Variants in NT5C1A observed in about 807,000 individuals in gnomAD.
NT5C1A encodes cytosolic 5'-nucleotidase 1A.
A neutral mutation model predicts 31.0 loss-of-function variants in NT5C1A; 18 were observed. That is an observed-to-expected ratio of 0.58 (90% CI 0.40 to 0.86). NT5C1A has a LOEUF of 0.86. NT5C1A is among the 40% of genes least tolerant of loss of function. The pLI, the probability that NT5C1A is intolerant of heterozygous loss-of-function variation, is 0.00. For missense variants in NT5C1A, 470 were observed against 505.4 expected (o/e 0.93, Z 0.67); for synonymous variants, 185 against 203.6 (o/e 0.91, Z 0.78).
At chr1:39,667,539 C>T (rs1397184537) in intron 1 of NT5C1A, among the ~76,000 whole-genome samples, 1 of 152,106 alleles carries the variant, frequency 6.6e-6, no homozygotes, top group Admixed American at 6.5e-5. Flanking sequence ...ATAAATGCAC[C>T]TTGCATTCTT....
intron 3 of NT5C1A, among the ~76,000 whole-genome samples, chr1:39,664,492 T>TCCCCTCCCCTCC (rs368000387): frequency 5.0e-3 from 3 of 604 alleles, no homozygotes; most frequent in African/African-American, 0.017. Flanking sequence ...GGATTTCTCC[T>TCCCCTCCCCTCC]CCTCTCCTCT....
At chr1:39,667,283 C>T (rs754757103) in intron 1 of NT5C1A, among the ~76,000 whole-genome samples, 1 of 151,056 alleles carries the variant, frequency 6.6e-6, no homozygotes, top group African/African-American at 2.4e-5. Context: ...CTCACTGCAA[C>T]CTCCACCTCT....
In NT5C1A at chr1:39,661,229, C is replaced by A; in HGVS notation, c.591G>T (p.Arg197Ser). 6.3e-7 allele frequency: 1 copy of A among 1,589,504 alleles called. No individual in the cohort carries two copies. The highest frequency in any genetic ancestry group is 8.6e-7 in the Non-Finnish European group (1 of 1,159,754). The change falls in exon 5 of 6, where the codon AGG (arginine) becomes AGT (serine). Residue 197 changes from arginine to serine, a missense_variant. Transcript: ENST00000235628. ...GCTGACTCTGGGACACAACCACATC[C>A]CTGCTGGGGCTGAAGATGGTGGCAG... is the stretch of plus-strand genomic sequence containing the variant. Reference protein sequence around the residue: ...IAAATIFSPSRDVVVSQSQLR... With the variant: ...IAAATIFSPSSDVVVSQSQLR...
Position 39,661,147 on chromosome 1 carries a change from C to T in NT5C1A, c.673G>A (p.Val225Ile), listed in dbSNP as rs755869403. 1.9e-6 allele frequency: 3 copies of T among 1,601,804 alleles called. No individual in the cohort carries two copies. The highest frequency in any genetic ancestry group is 2.2e-5 in the East Asian group (1 of 44,582). ...VLFSDESERI[V>I]KAHGLDRFFE... is the part of the protein sequence containing the mutation. ...AATCGGTCCAGCCCGTGGGCCTTGA[C>T]GATGCGCTCCGACTCGTCCGAGAAG... Residue 225 changes from valine (V) to isoleucine (I), a missense_variant, in exon 5 of 6, where the codon GTC becomes ATC. Coordinates refer to ENST00000235628, the MANE Select transcript of NT5C1A (RefSeq NM_032526.3).
chr1:39,661,426 T>A (rs564516423), intron 4 of NT5C1A, among the ~76,000 whole-genome samples, 163 bp from the exon 5 acceptor site: 18 of 152,300 alleles, frequency 1.2e-4, no homozygotes, highest in Admixed American at 2.0e-4. Flanking sequence ...GCATGGATCC[T>A]GGCCAAGAAG....
intron 3 of NT5C1A, among the ~76,000 whole-genome samples, chr1:39,664,202 G>C (rs1646506040): frequency 6.6e-6 from 1 of 151,166 alleles, no homozygotes; most frequent in South Asian, 2.1e-4. Flanking sequence ...CGCCCAGGCT[G>C]GAGTGCAGTG....
intron 3 of NT5C1A, among the ~76,000 whole-genome samples, chr1:39,664,193 G>A (rs955055531): frequency 1.1e-4 from 16 of 150,404 alleles, no homozygotes; most frequent in African/African-American, 3.7e-4. Flanking sequence ...TTGCTCTGTC[G>A]CCCAGGCTGG....
At chr1:39,670,893 T>G (rs542338834) in intron 1 of NT5C1A, among the ~76,000 whole-genome samples, 1 of 152,190 alleles carries the variant, frequency 6.6e-6, no homozygotes, top group South Asian at 2.1e-4. Flanking sequence ...CCCTAGGCTC[T>G]CATCTCTGGA....
chr1:39,666,290 G>T (rs1646521892), intron 1 of NT5C1A, 54 bp from the exon 2 acceptor site: 1 of 1,561,022 alleles, frequency 6.4e-7, no homozygotes, highest in Non-Finnish European at 8.8e-7. Flanking sequence ...CCTGAGGCAG[G>T]CTCACATGTG....
intron 3 of NT5C1A, 35 bp from the exon 4 acceptor site, chr1:39,663,469 G>C (rs1437910479): frequency 2.5e-6 from 4 of 1,611,890 alleles, no homozygotes; most frequent in East Asian, 4.5e-5. Context: ...GTGAGGCCAG[G>C]GTCAACCCTG....
At position 39,665,502 on chromosome 1, in the gene NT5C1A, T is replaced by A. The variant is rs779193756; in HGVS notation, c.433+19A>T. Reference sequence around the variant, plus strand: ...GGGGTGTCCCAGGGCAAACCCCCCATCCTCATGCTCATGCTCACCATAGTG... The same window carrying A: ...GGGGTGTCCCAGGGCAAACCCCCCAACCTCATGCTCATGCTCACCATAGTG... On this transcript the variant is annotated intron_variant, in intron 3 of 5. Coordinates refer to ENST00000235628, the MANE Select transcript of NT5C1A (RefSeq NM_032526.3). 3 of 1,602,920 alleles carry A rather than the reference T, an allele frequency of 1.9e-6. No homozygotes were observed. The Admixed American group carries it at 5.1e-5, about 27-fold the overall frequency.
At chr1:39,662,441 C>T (rs972372269) in intron 4 of NT5C1A, among the ~76,000 whole-genome samples, 1 of 152,198 alleles carries the variant, frequency 6.6e-6, no homozygotes, top group African/African-American at 2.4e-5. Context: ...CATGCCAGTG[C>T]CAAGGCCCCA....
intron 2 of NT5C1A, 93 bp from the exon 3 acceptor site, chr1:39,665,743 A>G (rs1468573911): frequency 1.3e-5 from 17 of 1,295,806 alleles, no homozygotes; most frequent in Non-Finnish European, 1.8e-5. Context: ...GTGAGGAGCC[A>G]TGCTTGGGAT....
In NT5C1A at chr1:39,665,629, G is replaced by T. The variant is rs557786217; in HGVS notation, c.325C>A (p.Arg109=). 2 of 1,613,210 alleles carry T rather than the reference G, an allele frequency of 1.2e-6. No homozygotes were observed. Among genetic ancestry groups the T allele is most frequent in the Non-Finnish European group, 1.7e-6 (2 of 1,179,880 alleles). ...CTATCAGGGTACAGCTCCCGCAGCC[G>T]CCTGTTCACGGCCTCCAGAGCCTGG... ...FVKALEAVNR[R]LRELYPDSED... Residue 109 remains arginine, a synonymous_variant, in exon 3 of 6, where the codon CGG becomes AGG. Coordinates refer to ENST00000235628, the MANE Select transcript of NT5C1A (RefSeq NM_032526.3).
At chr1:39,665,877 G>A (rs981035171) in intron 2 of NT5C1A, among the ~76,000 whole-genome samples, 192 bp downstream of exon 2, 6 of 152,218 alleles carry the variant, frequency 3.9e-5, no homozygotes, top group East Asian at 1.9e-4. Flanking sequence ...GTTACCAGGC[G>A]TGGGGCTGCA....
At chr1:39,665,924 A>G in intron 2 of NT5C1A, 145 bp downstream of exon 2, 1 of 797,840 alleles carries the variant, frequency 1.3e-6, no homozygotes, top group Non-Finnish European at 2.0e-6. Context: ...TTCCCAAAAG[A>G]CTCTGTCACC....
intron 3 of NT5C1A, among the ~76,000 whole-genome samples, chr1:39,665,254 T>TAAAC (rs1293247093): frequency 7.9e-5 from 12 of 152,356 alleles, no homozygotes; most frequent in African/African-American, 2.9e-4. Flanking sequence ...AGCCCACAGT[T>TAAAC]AAACATTCAG....
rs1646554963 is a variant in NT5C1A at position 39,671,985 on chromosome 1, T to C, written c.54A>G (p.Gly18=). 1.2e-6 allele frequency: 2 copies of C among 1,610,880 alleles called. No homozygotes were observed. Among genetic ancestry groups the C allele is most frequent in the Middle Eastern group, 3.3e-4 (2 of 6,060 alleles). ...EPQEPREPGP[G]AETAAAPVWE... ...AGACCGGGGCCGCAGCGGTCTCCGC[T>C]CCTGGCCCGGGCTCGCGGGGCTCCT... The change falls in exon 1 of 6, where the codon GGA becomes GGG. Residue 18 remains glycine (G), a synonymous_variant. Coordinates refer to ENST00000235628, the MANE Select transcript of NT5C1A (RefSeq NM_032526.3).
At chr1:39,662,546 A>T (rs1314021163) in intron 4 of NT5C1A, among the ~76,000 whole-genome samples, 2 of 151,966 alleles carry the variant, frequency 1.3e-5, no homozygotes, top group Non-Finnish European at 2.9e-5. Context: ...AGAGTGAGTT[A>T]TCAGGGGGAG....
Sources: allele counts gnomAD v4.1 joint callset (sites outside exome capture counted in the v4.1 genomes callset), GRCh38; gene constraint gnomAD v4.1.1; transcripts MANE v1.5; gene names NCBI Gene and HGNC (gene_info 2026-07-23, HGNC 2026-07-21).